Variants in ACTN1 observed in about 807,000 individuals in gnomAD.
ACTN1 encodes alpha-actinin-1.
A neutral mutation model predicts 119.6 loss-of-function variants in ACTN1; 30 were observed. The observed-to-expected ratio is 0.25, with a 90% CI of 0.19 to 0.34. The LOEUF (loss-of-function observed/expected upper bound fraction) is 0.34. ACTN1 is among the 10% of genes least tolerant of loss of function. The pLI, the probability that ACTN1 is intolerant of heterozygous loss-of-function variation, is 1.00. For missense variants in ACTN1, 764 were observed against 1,223.4 expected, an observed-to-expected ratio of 0.62 and a Z score of 5.60; for synonymous variants, 429 against 472.6, an observed-to-expected ratio of 0.91 and a Z score of 1.20.
rs1026393677 is a variant in ACTN1 at position 68,879,543 on chromosome 14, C to T, written c.2280+419G>A. On this transcript the variant is annotated intron_variant, in intron 18 of 21. Transcript: ENST00000394419. This position sits in a 1 kb window ranked among gnomAD's most constrained non-coding sequence, Gnocchi z 4.9. ...CCAGAGCTGGGATGGGAACCCAGGACCAAGGCCTCTGACATCCCCAGCAGA... is the reference window on the plus strand; with the variant it reads ...CCAGAGCTGGGATGGGAACCCAGGATCAAGGCCTCTGACATCCCCAGCAGA... 3.3e-5 allele frequency among the ~76,000 whole-genome samples: 5 copies of T among 152,174 alleles called. No homozygotes were observed. The highest frequency in any genetic ancestry group is 1.2e-4 in the African/African-American group (5 of 41,444).
At position 68,879,633 on chromosome 14, in the gene ACTN1, T is replaced by C. The variant is rs185945217; in HGVS notation, c.2280+329A>G. Among the ~76,000 whole-genome samples the C allele has an allele frequency of 7.2e-5, 11 of 152,280 alleles. No homozygotes were observed. The East Asian group carries it at 1.7e-3, about 24-fold the overall frequency. ...CAGCGAGGGCAGGAGGAGTCTCTTC[T>C]GCTCCTCTGTCTCCACAGCCAGGGA... On this transcript the variant is annotated intron_variant, in intron 18 of 21. Coordinates refer to ENST00000394419, the MANE Select transcript of ACTN1 (RefSeq NM_001130004.2). The surrounding 1 kb of genome is among the most constrained non-coding windows in gnomAD (Gnocchi z 4.9).
Position 68,877,147 on chromosome 14 carries a change from C to G in ACTN1, c.2521G>C (p.Glu841Gln), listed in dbSNP as rs1217247611. 1 of 1,614,048 alleles carries G rather than the reference C, an allele frequency of 6.2e-7. No individual in the cohort carries two copies. Among genetic ancestry groups the G allele is most frequent in the Admixed American group, 1.7e-5 (1 of 59,988 alleles). Residue 841 changes from glutamate (E) to glutamine (Q), a missense_variant, in exon 21 of 22, where the codon GAG (glutamate) becomes CAG (glutamine). Physicochemically the swap from Glu to Gln is conservative, Grantham distance 29. Coordinates refer to ENST00000394419, the MANE Select transcript of ACTN1 (RefSeq NM_001130004.2). ...FQAFIDFMSR[E>Q]TADTDTADQV... The stretch of plus-strand genomic sequence containing the variant: ...TCTGCTGTATCTGTGTCGGCTGTCT[C>G]GCGGGACATGAAGTCAATGAAGGCC...
At chr14:68,949,584 T>C (rs1051158608) in intron 1 of ACTN1, among the ~76,000 whole-genome samples, 3 of 152,190 alleles carry the variant, frequency 2.0e-5, no homozygotes, top group African/African-American at 2.4e-5. Flanking sequence ...GCATAAAATA[T>C]AGCAGTACTA....
In ACTN1 at chr14:68,877,258, ACCCAGGCCTGTCAG is replaced by A; in HGVS notation, c.2428-32_2428-19del. ...GCTTCTCCCTGGAGGGAACAGCCAA[ACCCAGGCCTGTCAG>A]CCCATGGCCTGCTGGGAATATCTCA... On this transcript the variant is annotated intron_variant, in intron 20 of 21. Coordinates refer to ENST00000394419, the MANE Select transcript of ACTN1 (RefSeq NM_001130004.2). The A allele has an allele frequency of 1.9e-6, 3 of 1,613,720 alleles. No individual in the cohort carries two copies. The highest frequency in any genetic ancestry group is 2.5e-6 in the Non-Finnish European group (3 of 1,179,852).
intron 1 of ACTN1, among the ~76,000 whole-genome samples, chr14:68,973,624 T>C (rs1472097423): frequency 1.3e-5 from 2 of 152,220 alleles, no homozygotes; most frequent in African/African-American, 4.8e-5. Context: ...ACCTTGGTCA[T>C]GCATGAAGAG....
At chr14:68,888,030 T>TA in intron 11 of ACTN1, 1 of 736,186 alleles carries the variant, frequency 1.4e-6, no homozygotes, top group South Asian at 1.4e-5. Context: ...GCCGATCTCC[T>TA]CTTGGGCTTT....
At position 68,874,862 on chromosome 14, in the gene ACTN1, G is replaced by C. The variant is rs111795768; in HGVS notation, c.2742C>G (p.Leu914=). The change falls in exon 22 of 22, where the codon CTC becomes CTG. Residue 914 remains leucine (L), a synonymous_variant. Coordinates refer to ENST00000394419, the MANE Select transcript of ACTN1 (RefSeq NM_001130004.2). ...GAGGGCGGCCGGGCGGGGTGGATTA[G>C]AGGTCACTCTCGCCGTACAGCGCCG... ...FSTALYGESD[L] The C allele has an allele frequency of 6.3e-7, 1 of 1,579,896 alleles. No homozygotes were observed. The highest frequency in any genetic ancestry group is 1.7e-5 in the Admixed American group (1 of 58,820).
rs755239219 is a variant in ACTN1 at position 68,884,303 on chromosome 14, G to A, written c.1500C>T (p.Thr500=). 33 of 1,613,812 alleles carry A rather than the reference G, an allele frequency of 2.0e-5. No individual in the cohort carries two copies. Among genetic ancestry groups the A allele is most frequent in the East Asian group, 4.5e-5 (2 of 44,886 alleles). ...TQKRREALER[T]EKLLETIDQL... ...GGTCAATGGTCTCCAGCAGTTTCTC[G>A]GTCCGCTGGGAGTGCCAAATAGGGT... The change falls in exon 14 of 22, where the codon ACC becomes ACT. Residue 500 remains threonine (T), a synonymous_variant. Coordinates refer to ENST00000394419, the MANE Select transcript of ACTN1 (RefSeq NM_001130004.2).
At chr14:68,921,401 A>C in intron 2 of ACTN1, 1 of 309,314 alleles carries the variant, frequency 3.2e-6, no homozygotes, top group African/African-American at 2.2e-5. Flanking sequence ...CCCCTACCGC[A>C]TGCCAGGGAT....
At chr14:68,912,606 G>C (rs995759059) in intron 3 of ACTN1, among the ~76,000 whole-genome samples, 1 of 152,024 alleles carries the variant, frequency 6.6e-6, no homozygotes, top group Non-Finnish European at 1.5e-5. Context: ...CAAACTCCTG[G>C]GTTCAAACGA....
chr14:68,892,669 A>G (rs1196106867), intron 9 of ACTN1, among the ~76,000 whole-genome samples: 2 of 152,178 alleles, frequency 1.3e-5, no homozygotes, highest in Admixed American at 1.3e-4. Flanking sequence ...GAGGGGGTTA[A>G]CAGCTATTTC....
intron 3 of ACTN1, among the ~76,000 whole-genome samples, chr14:68,916,395 T>C (rs1271911657): frequency 1.3e-5 from 2 of 152,238 alleles, no homozygotes; most frequent in Non-Finnish European, 2.9e-5. Context: ...CTTATTCCTC[T>C]TCTTCTTCCC....
intron 1 of ACTN1, among the ~76,000 whole-genome samples, chr14:68,952,947 C>T (rs1489000110): frequency 7.2e-5 from 11 of 152,148 alleles, no homozygotes; most frequent in Admixed American, 3.3e-4. Flanking sequence ...CCACCAGTGA[C>T]GCCACCAACC....
chr14:68,887,639 A>AT, intron 11 of ACTN1: 1 of 1,359,678 alleles, frequency 7.4e-7, no homozygotes, highest in Non-Finnish European at 1.0e-6. Context: ...CACTTAAAAA[A>AT]TGGGATGAGG....
At chr14:68,892,425 T>G in intron 9 of ACTN1, 142 bp from the exon 10 acceptor site, 3 of 834,562 alleles carry the variant, frequency 3.6e-6, no homozygotes, top group Non-Finnish European at 5.5e-6. Context: ...ACCACTGACA[T>G]TCCCAGGCCA....
chr14:68,969,849 T>C (rs1297308806), intron 1 of ACTN1, among the ~76,000 whole-genome samples: 1 of 151,896 alleles, frequency 6.6e-6, no homozygotes, highest in Non-Finnish European at 1.5e-5. Flanking sequence ...TAAGAACCCC[T>C]CCCACCCACA....
intron 4 of ACTN1, among the ~76,000 whole-genome samples, chr14:68,911,586 C>A (rs2034007460): frequency 6.6e-6 from 1 of 152,226 alleles, no homozygotes; most frequent in African/African-American, 2.4e-5. Context: ...ATAGTATCTC[C>A]ATCTCATCTT....
chr14:68,890,005 G>T, intron 11 of ACTN1, 134 bp downstream of exon 11: 1 of 1,346,286 alleles, frequency 7.4e-7, no homozygotes, highest in Non-Finnish European at 1.0e-6. Context: ...TAATGAACTT[G>T]CCTAAAGCCA....
chr14:68,890,108 G>T (rs186627439), intron 11 of ACTN1, 31 bp downstream of exon 11: 14 of 1,607,208 alleles, frequency 8.7e-6, no homozygotes, highest in Admixed American at 3.4e-5. Context: ...GTGAAGCCCT[G>T]GGGGGAGGCA....
Sources: gnomAD v4.1 joint callset for allele counts (sites outside exome capture counted in the v4.1 genomes callset) on GRCh38, gnomAD v4.1.1 for gene constraint, Gnocchi (gnomAD v3.1) non-coding constraint, MANE v1.5 for transcripts, NCBI Gene and HGNC (gene_info 2026-07-23, HGNC 2026-07-21) for gene names.